CSMD1: variants seen among roughly 807,000 people sequenced by gnomAD.
CSMD1 encodes CUB and Sushi multiple domains 1, also known as CUB and sushi domain-containing protein 1.
In CSMD1, 213 loss-of-function variants were observed where a neutral mutation model predicts 417.5. The ratio of observed to expected loss-of-function variants is 0.51; its 90% CI spans 0.46 to 0.57. The LOEUF is 0.57. Ranked by LOEUF, CSMD1 falls within the 20% of genes least tolerant of loss-of-function variation. The probability of loss-of-function intolerance (pLI) is 0.00; values close to 1 mark genes in which losing one functional copy is unlikely to be tolerated. For synonymous variants in CSMD1, 2,862 were observed against 1,736.8 expected (o/e 1.65, Z -16.11); for missense variants, 6,923 against 4,529.7 (o/e 1.53, Z -15.17).
chr8:4,908,136 A>T (rs1296798652), intron 1 of CSMD1, among the ~76,000 whole-genome samples: 3 of 152,120 alleles, frequency 2.0e-5, no homozygotes, highest in Admixed American at 6.6e-5. Flanking sequence ...TGGGTACAGA[A>T]TTCTAGGTAG....
At chr8:3,920,707 T>C (rs1378470961) in intron 5 of CSMD1, among the ~76,000 whole-genome samples, 1 of 151,042 alleles carries the variant, frequency 6.6e-6, no homozygotes, top group Non-Finnish European at 1.5e-5. Context: ...TTTTGTCAAA[T>C]GCTTTTTTGT....
intron 5 of CSMD1, among the ~76,000 whole-genome samples, chr8:3,948,260 T>C (rs759098988): frequency 2.0e-5 from 3 of 152,170 alleles, no homozygotes; most frequent in African/African-American, 4.8e-5. Flanking sequence ...GTATGTGCTA[T>C]ATATATTTGT....
intron 3 of CSMD1, among the ~76,000 whole-genome samples, chr8:4,311,035 T>G (rs1278137766): frequency 1.3e-5 from 2 of 152,196 alleles, no homozygotes; most frequent in East Asian, 3.9e-4. Flanking sequence ...AAGGGAACAC[T>G]TATACACCAC....
intron 2 of CSMD1, among the ~76,000 whole-genome samples, chr8:4,460,265 G>C (rs555545198): frequency 6.6e-6 from 1 of 151,688 alleles, no homozygotes; most frequent in African/African-American, 2.4e-5. Context: ...AAATCACTAG[G>C]GAAATTTAAA....
intron 1 of CSMD1, among the ~76,000 whole-genome samples, chr8:4,984,108 A>T (rs547438364): frequency 1.3e-5 from 2 of 152,342 alleles, no homozygotes; most frequent in Admixed American, 1.3e-4. Context: ...AACAAGATAC[A>T]TGGCCAGTAA....
At chr8:4,794,831 G>T (rs1215858882) in intron 1 of CSMD1, among the ~76,000 whole-genome samples, 1 of 152,174 alleles carries the variant, frequency 6.6e-6, no homozygotes, top group African/African-American at 2.4e-5. Context: ...TACAATTTAG[G>T]AAAACTGACC....
At chr8:3,537,818 T>C (rs751917382) in intron 10 of CSMD1, among the ~76,000 whole-genome samples, 7 of 152,340 alleles carry the variant, frequency 4.6e-5, no homozygotes, top group Middle Eastern at 3.4e-3. Context: ...GGCACAAACT[T>C]GGTCAAATGT....
chr8:4,208,175 G>C (rs570196970), intron 3 of CSMD1, among the ~76,000 whole-genome samples: 16 of 152,230 alleles, frequency 1.1e-4, no homozygotes, highest in African/African-American at 3.4e-4. Flanking sequence ...TAAGGTGTTA[G>C]AAATGAAAAT....
chr8:4,412,795 A>T (rs536939842), intron 3 of CSMD1, among the ~76,000 whole-genome samples: 2 of 149,694 alleles, frequency 1.3e-5, no homozygotes, highest in Non-Finnish European at 2.9e-5. Flanking sequence ...CAGTTTTATT[A>T]TTTTTATTTA....
chr8:4,064,697 G>T (rs563878026), intron 3 of CSMD1, among the ~76,000 whole-genome samples: 2 of 152,262 alleles, frequency 1.3e-5, no homozygotes, highest in South Asian at 2.1e-4. Context: ...CTGCCCTGGC[G>T]TGTTGGTCAC....
At chr8:3,949,629 T>C (rs921264293) in intron 5 of CSMD1, among the ~76,000 whole-genome samples, 3 of 151,998 alleles carry the variant, frequency 2.0e-5, no homozygotes, top group Admixed American at 2.0e-4. Flanking sequence ...TGGGAGATGA[T>C]TTTAGGTACA....
intron 3 of CSMD1, among the ~76,000 whole-genome samples, chr8:4,064,331 T>G (rs1799132818): frequency 6.6e-6 from 1 of 152,224 alleles, no homozygotes; most frequent in Non-Finnish European, 1.5e-5. Flanking sequence ...TGTTTCATAG[T>G]CACCTGCTCT....
chr8:3,166,002 G>A (rs775058680), intron 37 of CSMD1, among the ~76,000 whole-genome samples: 1 of 151,882 alleles, frequency 6.6e-6, no homozygotes, highest in African/African-American at 2.4e-5. Flanking sequence ...TGAATTTTTG[G>A]TACAGAAAAA....
chr8:4,824,649 G>A (rs982626772), intron 1 of CSMD1, among the ~76,000 whole-genome samples: 1 of 152,138 alleles, frequency 6.6e-6, no homozygotes, highest in Non-Finnish European at 1.5e-5. Context: ...CCAACAGAAG[G>A]AATCTCATAA....
At chr8:3,851,244 T>C (rs1193379311) in intron 5 of CSMD1, among the ~76,000 whole-genome samples, 1 of 152,222 alleles carries the variant, frequency 6.6e-6, no homozygotes, top group Admixed American at 6.5e-5. Context: ...AATTTGCATC[T>C]AGACAAGGGT....
At chr8:4,642,912 G>C (rs756139734) in intron 1 of CSMD1, among the ~76,000 whole-genome samples, 1 of 152,210 alleles carries the variant, frequency 6.6e-6, no homozygotes, top group Non-Finnish European at 1.5e-5. Context: ...AGACAGCCAT[G>C]CAGGGAAATG....
intron 19 of CSMD1, among the ~76,000 whole-genome samples, chr8:3,367,924 C>G (rs28616269): frequency 6.6e-6 from 1 of 152,044 alleles, no homozygotes. Flanking sequence ...TCAATTTACT[C>G]TAAACAGGTG....
At chr8:3,531,836 G>A (rs1051260661) in intron 10 of CSMD1, among the ~76,000 whole-genome samples, 1 of 152,198 alleles carries the variant, frequency 6.6e-6, no homozygotes, top group Admixed American at 6.5e-5. Flanking sequence ...TGCACAGAGA[G>A]AAACGGCTAC....
intron 42 of CSMD1, among the ~76,000 whole-genome samples, chr8:3,111,554 G>T (rs1381530833): frequency 3.3e-5 from 5 of 152,092 alleles, no homozygotes. Context: ...ACCATAGGCT[G>T]GGCACGGTGG....
Sources: gnomAD v4.1 joint callset for allele counts (sites outside exome capture counted in the v4.1 genomes callset) on GRCh38, gnomAD v4.1.1 for gene constraint, MANE v1.5 for transcripts, NCBI Gene and HGNC (gene_info 2026-07-23, HGNC 2026-07-21) for gene names.